LPP: variants seen among roughly 807,000 people sequenced by gnomAD.
The protein encoded by LPP is lipoma-preferred partner.
Under a neutral mutation model 60.4 loss-of-function variants are expected in LPP, and 38 were observed. That is an observed-to-expected ratio of 0.63 (90% confidence interval 0.49 to 0.83). The LOEUF is 0.83. LPP is among the 40% of genes least tolerant of loss of function. The probability of loss-of-function intolerance (pLI) is 0.00; values close to 1 mark genes in which losing one functional copy is unlikely to be tolerated. For missense variants in LPP, 902 were observed against 783.6 expected (o/e 1.15, Z -1.80); for synonymous variants, 328 against 290.8 (o/e 1.13, Z -1.30).
At chr3:188,669,403 C>T (rs991853994) in intron 7 of LPP, among the ~76,000 whole-genome samples, 3 of 151,924 alleles carry the variant, frequency 2.0e-5, no homozygotes, top group Non-Finnish European at 2.9e-5. Flanking sequence ...GGTGAAACCC[C>T]GTCTCTACTA....
intron 9 of LPP, among the ~76,000 whole-genome samples, chr3:188,798,278 A>G (rs1308834267): frequency 2.6e-5 from 4 of 152,224 alleles, no homozygotes; most frequent in Non-Finnish European, 5.9e-5. Flanking sequence ...TGGCACAGAT[A>G]TAAGGGGATC....
At chr3:188,724,177 A>C (rs991335018) in intron 8 of LPP, among the ~76,000 whole-genome samples, 1 of 152,202 alleles carries the variant, frequency 6.6e-6, no homozygotes, top group African/African-American at 2.4e-5. Context: ...TGTTTTTTAC[A>C]ATGAGAAAGC....
At chr3:188,271,053 T>C (rs1737563739) in intron 2 of LPP, among the ~76,000 whole-genome samples, 1 of 152,228 alleles carries the variant, frequency 6.6e-6, no homozygotes, top group South Asian at 2.1e-4. Flanking sequence ...CCTGTGGAAT[T>C]CCCCAGTGAA....
intron 6 of LPP, among the ~76,000 whole-genome samples, chr3:188,597,864 AC>A (rs1341612569): frequency 5.9e-5 from 9 of 152,292 alleles, no homozygotes; most frequent in African/African-American, 2.2e-4. Flanking sequence ...TCTTTGCTAG[AC>A]CCTAAGGATG....
chr3:188,836,492 A>G (rs1758477729), intron 9 of LPP, among the ~76,000 whole-genome samples: 1 of 152,232 alleles, frequency 6.6e-6, no homozygotes, highest in East Asian at 1.9e-4. Flanking sequence ...CAACTTGACA[A>G]GAGTGGCATC....
chr3:188,686,147 T>C (rs1316395895), intron 7 of LPP, among the ~76,000 whole-genome samples: 1 of 152,182 alleles, frequency 6.6e-6, no homozygotes, highest in Non-Finnish European at 1.5e-5. Context: ...ATAATTCATA[T>C]GAAATACTCA....
chr3:188,874,620 T>C lies in LPP; in HGVS notation c.*141T>C, dbSNP rs1769030276. 8 of 963,804 alleles carry C rather than the reference T, an allele frequency of 8.3e-6. No homozygotes were observed. The highest frequency in any genetic ancestry group is 2.9e-5 in the Admixed American group (1 of 34,834). The allele number at this position is 963,804 out of a possible 1,614,324, so 59.7% of individuals were successfully genotyped here. On this transcript the variant is annotated 3_prime_UTR_variant, in exon 12 of 12. Coordinates refer to ENST00000617246, the MANE Select transcript of LPP (RefSeq NM_001375462.1). ...CCTTGCCTTAGAAACACATAAATTA[T>C]GAGATTTTTTTTAAAAGTTGTTACC...
chr3:188,720,606 T>TAA (rs535969624), intron 8 of LPP, among the ~76,000 whole-genome samples: 12 of 127,908 alleles, frequency 9.4e-5, no homozygotes, highest in Non-Finnish European at 1.5e-4. Flanking sequence ...CCGAGGCAAT[T>TAA]AAAAAAAAAA....
intron 2 of LPP, among the ~76,000 whole-genome samples, chr3:188,273,150 A>G (rs191656581): frequency 5.3e-5 from 8 of 152,234 alleles, no homozygotes; most frequent in Admixed American, 2.0e-4. Flanking sequence ...TGCCCCCACC[A>G]CCCACAGCCA....
At chr3:188,441,587 G>GTTTCTTTTTTTTTTTCTTTTC (rs1346254403) in intron 4 of LPP, among the ~76,000 whole-genome samples, 24 of 109,232 alleles carry the variant, frequency 2.2e-4, no homozygotes, top group African/African-American at 8.2e-4. Flanking sequence ...ACTCATTACA[G>GTTTCTTTTTTTTTTTCTTTTC]TTTCTTTTTT....
intron 7 of LPP, among the ~76,000 whole-genome samples, chr3:188,643,106 A>G (rs1006194056): frequency 5.9e-5 from 9 of 152,196 alleles, no homozygotes; most frequent in East Asian, 1.9e-4. Flanking sequence ...TTCTTACTAC[A>G]TAGGTTCCTT....
intron 1 of LPP, among the ~76,000 whole-genome samples, chr3:188,156,964 TG>T (rs1406158854): frequency 6.6e-6 from 1 of 152,214 alleles, no homozygotes; most frequent in Non-Finnish European, 1.5e-5. Flanking sequence ...AGCAGATTCC[TG>T]TATTTTATTG....
At chr3:188,622,092 T>C (rs890510367) in intron 7 of LPP, among the ~76,000 whole-genome samples, 1 of 152,206 alleles carries the variant, frequency 6.6e-6, no homozygotes, top group African/African-American at 2.4e-5. Context: ...AGCATTCTTC[T>C]AAGCAGCTAG....
At chr3:188,661,026 C>T (rs1374038955) in intron 7 of LPP, among the ~76,000 whole-genome samples, 1 of 152,068 alleles carries the variant, frequency 6.6e-6, no homozygotes, top group Non-Finnish European at 1.5e-5. Flanking sequence ...CCCCGGTAAC[C>T]CCTGAAATTT....
At chr3:188,759,227 A>C (rs1468486087) in intron 8 of LPP, 1 of 152,246 alleles carries the variant, frequency 6.6e-6, no homozygotes, top group Non-Finnish European at 1.5e-5. Flanking sequence ...AGCTTACTGC[A>C]AATTTTAAAA....
At chr3:188,415,931 G>C (rs1265004212) in intron 4 of LPP, among the ~76,000 whole-genome samples, 1 of 152,002 alleles carries the variant, frequency 6.6e-6, no homozygotes, top group Non-Finnish European at 1.5e-5. Context: ...AATCAATGCA[G>C]GTTATAAAAT....
intron 7 of LPP, among the ~76,000 whole-genome samples, chr3:188,679,891 C>G (rs1859085204): frequency 6.6e-6 from 1 of 152,120 alleles, no homozygotes; most frequent in Non-Finnish European, 1.5e-5. Flanking sequence ...CCTATCCCCC[C>G]AGGCTGTCAG....
At chr3:188,407,082 A>T (rs1319312079) in intron 4 of LPP, among the ~76,000 whole-genome samples, 1 of 150,732 alleles carries the variant, frequency 6.6e-6, no homozygotes, top group Non-Finnish European at 1.5e-5. Context: ...CTTAAAATAA[A>T]AAAAAAAAAA....
chr3:188,806,950 A>G (rs1749331948), intron 9 of LPP, among the ~76,000 whole-genome samples: 1 of 151,902 alleles, frequency 6.6e-6, no homozygotes, highest in African/African-American at 2.4e-5. Context: ...TGAGAAAGCT[A>G]ATTCATTTCT....
Sources: allele counts gnomAD v4.1 joint callset (sites outside exome capture counted in the v4.1 genomes callset), GRCh38; gene constraint gnomAD v4.1.1; transcripts MANE v1.5; gene names NCBI Gene and HGNC (gene_info 2026-07-23, HGNC 2026-07-21).